Variants in CDH18 observed in about 807,000 individuals in gnomAD.
CDH18 encodes the protein cadherin-18.
In CDH18, 31 loss-of-function variants were observed where a neutral mutation model predicts 67.9. The observed-to-expected ratio is 0.46, with a 90% CI of 0.34 to 0.62. The LOEUF (loss-of-function observed/expected upper bound fraction) is 0.62. Among genes scored for constraint, CDH18 ranks in the 20% least tolerant of loss-of-function variants. The pLI, the probability that CDH18 is intolerant of heterozygous loss-of-function variation, is 0.01. For missense variants in CDH18, 890 were observed against 975.5 expected (o/e 0.91, Z 1.17); for synonymous variants, 362 against 347.2 (o/e 1.04, Z -0.48).
At chr5:20,008,295 T>C (rs1199085184) in intron 2 of CDH18, among the ~76,000 whole-genome samples, 2 of 152,124 alleles carry the variant, frequency 1.3e-5, no homozygotes, top group Non-Finnish European at 2.9e-5. Flanking sequence ...TAATCACTCA[T>C]GTTTGCTATT....
chr5:19,632,824 A>G (rs1389694269), intron 5 of CDH18, among the ~76,000 whole-genome samples: 1 of 152,182 alleles, frequency 6.6e-6, no homozygotes, highest in Non-Finnish European at 1.5e-5. Flanking sequence ...AGGTGAAGAA[A>G]CTGGTTTTAT....
chr5:20,568,568 TA>T (rs1758642145), intron 1 of CDH18, among the ~76,000 whole-genome samples: 2 of 152,106 alleles, frequency 1.3e-5, no homozygotes, highest in African/African-American at 4.8e-5. Flanking sequence ...AAAAGCAAAC[TA>T]AAATTATTAA....
At chr5:19,871,467 T>C (rs1786278574) in intron 2 of CDH18, among the ~76,000 whole-genome samples, 1 of 152,154 alleles carries the variant, frequency 6.6e-6, no homozygotes, top group South Asian at 2.1e-4. Flanking sequence ...CAAAGCGAAA[T>C]GAAATAGCAC....
intron 1 of CDH18, among the ~76,000 whole-genome samples, chr5:20,383,920 A>G (rs1458142425): frequency 2.6e-5 from 4 of 152,160 alleles, no homozygotes. Flanking sequence ...TGACAATATC[A>G]CAACCAGACA....
chr5:19,547,520 T>C (rs887083690), intron 8 of CDH18, among the ~76,000 whole-genome samples: 8 of 152,228 alleles, frequency 5.3e-5, no homozygotes, highest in Admixed American at 5.2e-4. Context: ...TTGTTTTGTT[T>C]TGTTTTCTGA....
chr5:20,095,853 C>A lies in CDH18; in HGVS notation c.-517-103839G>T, dbSNP rs370317939. On this transcript the variant is annotated intron_variant, in intron 2 of 14. Coordinates refer to the CDH18 transcript ENST00000507958. ...CTATACAAAGAATAATGTAGAAAAT[C>A]TAGAATAAAAAATAAAATAATTTAA... Among the ~76,000 whole-genome samples the A allele has an allele frequency of 6.7e-4, 101 of 149,784 alleles. 1 individual carries two copies. In the South Asian group the frequency reaches 0.018, roughly 27 times the overall value.
intron 1 of CDH18, among the ~76,000 whole-genome samples, chr5:20,491,805 C>T (rs957535706): frequency 6.6e-6 from 1 of 152,102 alleles, no homozygotes; most frequent in East Asian, 1.9e-4. Context: ...TTATGTTTGA[C>T]CAAATATCTG....
rs535199326 is a variant in CDH18, at chr5:20,056,061, G to C, written c.-517-64047C>G. ...ACTCCGTTACCCAGGCTGGAGTGCA[G>C]TGGCACCATCTTGGCTCACTATAAC... On this transcript the variant is annotated intron_variant, in intron 2 of 14. Transcript: ENST00000507958. Among the ~76,000 whole-genome samples, 5 of 131,842 alleles carry C rather than the reference G, an allele frequency of 3.8e-5. No individual in the cohort carries two copies. In the East Asian group the frequency reaches 1.2e-3, roughly 31 times the overall value. 86.5% of individuals were successfully genotyped at this position (131,842 alleles called of 152,430 possible). A position where few individuals can be genotyped will look rare whatever the true frequency, so the allele number is the denominator to read the frequency against.
Position 20,374,118 on chromosome 5 carries a change from GCCAAGTT to G in CDH18, c.-579-118620_-579-118614del, listed in dbSNP as rs543607973. On this transcript the variant is annotated intron_variant, in intron 1 of 14. Coordinates refer to the CDH18 transcript ENST00000507958. ...GCACAAGGATACCAAACCTAGAAAG[GCCAAGTT>G]CCCGTGTTATTCTGCTGATAAATTA... Among the ~76,000 whole-genome samples, 32 of 152,196 alleles carry G rather than the reference GCCAAGTT, an allele frequency of 2.1e-4. 1 individual carries two copies. In the East Asian group the frequency reaches 3.9e-3, roughly 18 times the overall value.
At chr5:20,537,568 T>C (rs1056953457) in intron 1 of CDH18, among the ~76,000 whole-genome samples, 1 of 152,068 alleles carries the variant, frequency 6.6e-6, no homozygotes, top group Non-Finnish European at 1.5e-5. Context: ...GTGAGGGCAA[T>C]AGAAGACTCA....
chr5:20,206,256 G>A (rs1739880019), intron 2 of CDH18, among the ~76,000 whole-genome samples: 1 of 151,632 alleles, frequency 6.6e-6, no homozygotes, highest in South Asian at 2.1e-4. Context: ...AAAAGTTCCT[G>A]GACACATATA....
intron 3 of CDH18, among the ~76,000 whole-genome samples, chr5:19,782,688 G>T (rs1202262669): frequency 6.6e-6 from 1 of 152,132 alleles, no homozygotes; most frequent in African/African-American, 2.4e-5. Context: ...TTTGGAAGGA[G>T]TTGCTTAGAC....
intron 3 of CDH18, among the ~76,000 whole-genome samples, chr5:19,756,497 C>A (rs1771618701): frequency 6.6e-6 from 1 of 152,134 alleles, no homozygotes; most frequent in African/African-American, 2.4e-5. Flanking sequence ...TTGTAGTTTC[C>A]ATTAACCTTA....
chr5:20,190,172 T>C (rs13355490), intron 2 of CDH18, among the ~76,000 whole-genome samples: 2,445 of 152,194 alleles, frequency 0.016, 72 homozygotes, highest in African/African-American at 0.056. Flanking sequence ...GAGGTCCAAA[T>C]ACCAATAGTG....
At chr5:20,027,176 T>G (rs1738984354) in intron 2 of CDH18, among the ~76,000 whole-genome samples, 1 of 152,132 alleles carries the variant, frequency 6.6e-6, no homozygotes, top group South Asian at 2.1e-4. Context: ...AAACACTTTA[T>G]GTATGATTAA....
Position 20,375,381 on chromosome 5 carries a change from T to C in CDH18, c.-579-119876A>G, listed in dbSNP as rs562745780. 8.5e-5 allele frequency among the ~76,000 whole-genome samples: 13 copies of C among 152,300 alleles called. No homozygotes were observed. The East Asian group carries it at 2.5e-3, about 29-fold the overall frequency. The stretch of plus-strand genomic sequence containing the variant: ...ATTGGGATGAAACATGTAATAGAAC[T>C]GACAACTGATAGCAGTAAGTTAAAA... On this transcript the variant is annotated intron_variant, in intron 1 of 14. Transcript: ENST00000507958.
intron 2 of CDH18, among the ~76,000 whole-genome samples, chr5:20,168,156 C>A (rs1561845277): frequency 6.6e-6 from 1 of 152,084 alleles, no homozygotes; most frequent in Non-Finnish European, 1.5e-5. Context: ...ACCAAGCAAG[C>A]AAGTTTATCA....
intron 5 of CDH18, among the ~76,000 whole-genome samples, chr5:19,655,364 A>T (rs1004979901): frequency 6.6e-6 from 1 of 151,856 alleles, no homozygotes; most frequent in Non-Finnish European, 1.5e-5. Context: ...GCATTTGTGC[A>T]TTATAGACAT....
chr5:20,173,221 A>G lies in CDH18; in HGVS notation c.-518+82223T>C, dbSNP rs141614239. ...GGATAAACATTTATAAATAGTAGGTAGCAAAATACATGCATAATAACAGAT... is the reference window on the plus strand; with the variant it reads ...GGATAAACATTTATAAATAGTAGGTGGCAAAATACATGCATAATAACAGAT... On this transcript the variant is annotated intron_variant, in intron 2 of 14. Coordinates refer to the CDH18 transcript ENST00000507958. 4.1e-4 allele frequency among the ~76,000 whole-genome samples: 63 copies of G among 152,252 alleles called. 1 individual carries two copies. The highest frequency in any genetic ancestry group is 1.5e-3 in the African/African-American group (63 of 41,558).
Sources: gnomAD v4.1 joint callset for allele counts (sites outside exome capture counted in the v4.1 genomes callset) on GRCh38, gnomAD v4.1.1 for gene constraint, MANE v1.5 for transcripts, NCBI Gene and HGNC (gene_info 2026-07-23, HGNC 2026-07-21) for gene names.